AP3S2: variants seen among roughly 807,000 people sequenced by gnomAD.
AP3S2 encodes AP-3 complex subunit sigma-2.
AP3S2 carries 22 observed loss-of-function variants against 23.4 expected under a neutral mutation model. The ratio of observed to expected loss-of-function variants is 0.94; its 90% CI spans 0.67 to 1.34. The LOEUF (loss-of-function observed/expected upper bound fraction) is 1.34, where lower values mean the gene tolerates loss of function less well. Ranked by LOEUF, AP3S2 falls within the 40% of genes most tolerant of loss-of-function variation. The pLI, the probability that AP3S2 is intolerant of heterozygous loss-of-function variation, is 0.00. For missense variants in AP3S2, 241 were observed against 236.9 expected (o/e 1.02, Z -0.11); for synonymous variants, 86 against 87.1 (o/e 0.99, Z 0.07).
At chr15:89,841,784 C>T (rs1238976191) in intron 4 of AP3S2, among the ~76,000 whole-genome samples, 3 of 152,094 alleles carry the variant, frequency 2.0e-5, no homozygotes, top group Non-Finnish European at 2.9e-5. Flanking sequence ...TGCAAAACAG[C>T]TGGTCCCTGA....
Position 89,835,386 on chromosome 15 carries a change from C to T in AP3S2, c.*129G>A. On this transcript the variant is annotated 3_prime_UTR_variant, in exon 6 of 6. Transcript: ENST00000336418. ...CTATTCCATGCCAAACAGTCTTCCC[C>T]AGACACAAAGTTTCCAGGTCCTGAG... 1 of 1,485,024 alleles carries T rather than the reference C, an allele frequency of 6.7e-7. No individual in the cohort carries two copies. Among genetic ancestry groups the T allele is most frequent in the Non-Finnish European group, 9.1e-7 (1 of 1,104,560 alleles). 92.0% of individuals were successfully genotyped at this position (1,485,024 alleles called of 1,614,324 possible).
At chr15:89,854,059 G>A (rs1314838695) in intron 4 of AP3S2, among the ~76,000 whole-genome samples, 1 of 51,244 alleles carries the variant, frequency 2.0e-5, no homozygotes, top group African/African-American at 7.0e-5. Flanking sequence ...CGCCCCATCC[G>A]GGAGGGAGGT....
chr15:89,838,833 G>A (rs1390450473), intron 4 of AP3S2, among the ~76,000 whole-genome samples: 1 of 152,176 alleles, frequency 6.6e-6, no homozygotes, highest in African/African-American at 2.4e-5. Flanking sequence ...AGAAGATGTT[G>A]GAAGGAGCAA....
chr15:89,888,549 C>A lies in AP3S2; in HGVS notation c.245G>T (p.Ser82Ile). 6.2e-7 allele frequency: 1 copy of A among 1,614,238 alleles called. No homozygotes were observed. Among genetic ancestry groups the A allele is most frequent in the Non-Finnish European group, 8.5e-7 (1 of 1,180,038 alleles). ...GATGAGGTCCAAGATTCCAAGTTCA[C>A]TCTCTGAGGAATCCACACAAAATAC... is the stretch of plus-strand genomic sequence containing the variant. ...YFVFCVDSSESELGILDLIQV... is the reference protein window; with the variant it reads ...YFVFCVDSSEIELGILDLIQV... Residue 82 changes from serine (S) to isoleucine (I), a missense_variant, in exon 3 of 6, where the codon AGT (serine) becomes ATT (isoleucine). Coordinates refer to ENST00000336418, the MANE Select transcript of AP3S2 (RefSeq NM_005829.5).
At chr15:89,874,813 AATTCTAAG>A (rs1461389849) in intron 3 of AP3S2, among the ~76,000 whole-genome samples, 1 of 152,170 alleles carries the variant, frequency 6.6e-6, no homozygotes. Flanking sequence ...ATAAAAGTAT[AATTCTAAG>A]ATGGGAATAT....
chr15:89,858,561 G>GAA (rs1271741832), intron 4 of AP3S2, among the ~76,000 whole-genome samples: 86 of 147,872 alleles, frequency 5.8e-4, no homozygotes, highest in South Asian at 4.1e-3. Flanking sequence ...AAGAAAGAAA[G>GAA]AGAAACTCTA....
At chr15:89,884,820 T>C (rs905397115) in intron 3 of AP3S2, among the ~76,000 whole-genome samples, 1 of 152,070 alleles carries the variant, frequency 6.6e-6, no homozygotes, top group African/African-American at 2.4e-5. Context: ...CTAATTTTTT[T>C]TGTATTTTTA....
chr15:89,852,412 C>T (rs754050495), intron 4 of AP3S2: 2 of 152,230 alleles, frequency 1.3e-5, no homozygotes, highest in Non-Finnish European at 2.9e-5. Flanking sequence ...AGTATAGATC[C>T]TTCACTCTGG....
At chr15:89,842,387 C>A (rs1895350443) in intron 4 of AP3S2, among the ~76,000 whole-genome samples, 1 of 152,172 alleles carries the variant, frequency 6.6e-6, no homozygotes, top group African/African-American at 2.4e-5. Flanking sequence ...GGTCTACACA[C>A]TGAAAGGTCA....
chr15:89,873,876 C>CTTTTTTTTT, intron 3 of AP3S2, among the ~76,000 whole-genome samples: 1 of 76,848 alleles, frequency 1.3e-5, no homozygotes, highest in Non-Finnish European at 2.3e-5. Flanking sequence ...TTCTCTGTGG[C>CTTTTTTTTT]TTTTTTTTTT....
intron 1 of AP3S2, 113 bp from the exon 2 acceptor site, chr15:89,889,253 G>A (rs1020902241): frequency 9.1e-7 from 1 of 1,094,832 alleles, no homozygotes. Flanking sequence ...TAAACATTTA[G>A]TACTTGTTTC....
chr15:89,860,231 A>G (rs546746869), intron 4 of AP3S2, among the ~76,000 whole-genome samples: 1 of 152,348 alleles, frequency 6.6e-6, no homozygotes, highest in African/African-American at 2.4e-5. Flanking sequence ...ATTTTTTCCT[A>G]TACACACATA....
At position 89,831,361 on chromosome 15, in the gene AP3S2, A is replaced by C. The variant is rs1027856489; in HGVS notation, c.*4154T>G. On this transcript the variant is annotated 3_prime_UTR_variant, in exon 6 of 6. Coordinates refer to ENST00000336418, the MANE Select transcript of AP3S2 (RefSeq NM_005829.5). ...TAACCATCACCACAGTGAGACTGGC[A>C]CCCTCTGGGGTAGGGTAGACTCAGG... The C allele has an allele frequency of 1.3e-5, 2 of 152,168 alleles. No homozygotes were observed. The highest frequency in any genetic ancestry group is 4.8e-5 in the African/African-American group (2 of 41,434). 9.4% of individuals were successfully genotyped at this position (152,168 alleles called of 1,614,324 possible).
At chr15:89,881,463 TAACA>T (rs1446233540) in intron 3 of AP3S2, among the ~76,000 whole-genome samples, 3 of 152,182 alleles carry the variant, frequency 2.0e-5, no homozygotes, top group African/African-American at 4.8e-5. Context: ...TTATTTTATC[TAACA>T]AAGAAAAAAA....
At chr15:89,874,197 G>C (rs906165332) in intron 3 of AP3S2, among the ~76,000 whole-genome samples, 1 of 148,778 alleles carries the variant, frequency 6.7e-6, no homozygotes, top group African/African-American at 2.5e-5. Flanking sequence ...TTTATTGTTT[G>C]TTCATTTTAT....
intron 4 of AP3S2, among the ~76,000 whole-genome samples, chr15:89,841,142 C>A (rs1255929539): frequency 1.3e-5 from 2 of 152,202 alleles, no homozygotes; most frequent in Non-Finnish European, 2.9e-5. Context: ...AAAGGCCTAA[C>A]ACATGATGTC....
Position 89,856,720 on chromosome 15 carries a change from AAT to A in AP3S2, c.345+14753_345+14754del, listed in dbSNP as rs1347678222. 9.6e-5 allele frequency among the ~76,000 whole-genome samples: 14 copies of A among 145,834 alleles called. No individual in the cohort carries two copies. In the East Asian group the frequency reaches 9.8e-4, roughly 10 times the overall value. Reference sequence around the variant, plus strand: ...CCATCTCAAAAAAAAAAAAAAAAAAAATATTCGCTGGGCGTGGTGGTGCGCAC... The same window carrying A: ...CCATCTCAAAAAAAAAAAAAAAAAAAATTCGCTGGGCGTGGTGGTGCGCAC... On this transcript the variant is annotated intron_variant, in intron 4 of 5. Transcript: ENST00000336418.
rs189214810 is a variant in AP3S2, at chr15:89,846,913, C to G, written c.346-9191G>C. On this transcript the variant is annotated intron_variant, in intron 4 of 5. Transcript: ENST00000336418. ...CTCAAACTCCTGATCTCAGGTGATC[C>G]GCCCACCTCAGCCTCCCAAAGTGCT... Among the ~76,000 whole-genome samples the G allele has an allele frequency of 8.4e-3, 1,274 of 152,240 alleles. 28 individuals are homozygous for G. The highest frequency in any genetic ancestry group is 0.029 in the African/African-American group (1,205 of 41,538).
intron 4 of AP3S2, among the ~76,000 whole-genome samples, chr15:89,869,588 A>G: frequency 7.0e-6 from 1 of 142,818 alleles, no homozygotes; most frequent in East Asian, 2.1e-4. Context: ...AAAAAAAAAG[A>G]AAACTCCCCC....
Sources: gnomAD v4.1 joint callset for allele counts (sites outside exome capture counted in the v4.1 genomes callset) on GRCh38, gnomAD v4.1.1 for gene constraint, MANE v1.5 for transcripts, NCBI Gene and HGNC (gene_info 2026-07-23, HGNC 2026-07-21) for gene names.